Variants in RTN4RL1 observed in about 807,000 individuals in gnomAD.
RTN4RL1 encodes reticulon 4 receptor like 1.
RTN4RL1 carries 7 observed loss-of-function variants against 25.6 expected under a neutral mutation model. The observed-to-expected ratio is 0.27, with a 90% CI of 0.16 to 0.51. The LOEUF (loss-of-function observed/expected upper bound fraction) is 0.51, where lower values mean the gene tolerates loss of function less well. RTN4RL1 is among the 20% of genes least tolerant of loss of function. The pLI is 0.97. For missense variants in RTN4RL1, 500 were observed against 615.6 expected, an observed-to-expected ratio of 0.81 and a Z score of 1.99; for synonymous variants, 297 against 288.2, an observed-to-expected ratio of 1.03 and a Z score of -0.31.
At chr17:1,943,911 G>A (rs959610394) in intron 1 of RTN4RL1, among the ~76,000 whole-genome samples, 7 of 150,414 alleles carry the variant, frequency 4.7e-5, no homozygotes. Flanking sequence ...TTTGGAGCCA[G>A]AGAGACCTGA....
At chr17:2,009,368 G>A (rs1424705695) in intron 1 of RTN4RL1, among the ~76,000 whole-genome samples, 1 of 151,988 alleles carries the variant, frequency 6.6e-6, no homozygotes, top group East Asian at 1.9e-4. Flanking sequence ...CCTGAGGTGG[G>A]CAGATCATGA....
chr17:1,998,305 C>G lies in RTN4RL1; in HGVS notation c.13+26548G>C, dbSNP rs1165311328. On this transcript the variant is annotated intron_variant, in intron 1 of 1. Transcript: ENST00000331238. This position sits in a 1 kb window ranked among gnomAD's most constrained non-coding sequence, Gnocchi z 4.9. ...AGGCCTCCCGCAGGCCGACCCGAGC[C>G]GAGCGCGCCCTTTGGGCACCGGCCC... Among the ~76,000 whole-genome samples the G allele has an allele frequency of 6.6e-6, 1 of 152,190 alleles. No homozygotes were observed. Among genetic ancestry groups the G allele is most frequent in the African/African-American group, 2.4e-5 (1 of 41,460 alleles).
chr17:1,953,271 T>C (rs2151307851), intron 1 of RTN4RL1, among the ~76,000 whole-genome samples: 1 of 151,746 alleles, frequency 6.6e-6, no homozygotes, highest in Non-Finnish European at 1.5e-5. Flanking sequence ...CTGGGCACAG[T>C]GGCATGCACC....
At chr17:1,972,658 C>G (rs1388675064) in intron 1 of RTN4RL1, among the ~76,000 whole-genome samples, 1 of 152,206 alleles carries the variant, frequency 6.6e-6, no homozygotes, top group Non-Finnish European at 1.5e-5. Context: ...CCACGTGGAG[C>G]TCTCATCATT....
At chr17:1,984,718 G>A (rs1372202744) in intron 1 of RTN4RL1, among the ~76,000 whole-genome samples, 2 of 152,364 alleles carry the variant, frequency 1.3e-5, no homozygotes, top group African/African-American at 2.4e-5. Context: ...TGTAATCCCA[G>A]CACTTCGGGA....
intron 1 of RTN4RL1, among the ~76,000 whole-genome samples, chr17:1,982,848 C>A (rs987032287): frequency 6.6e-6 from 1 of 152,110 alleles, no homozygotes; most frequent in Non-Finnish European, 1.5e-5. Flanking sequence ...GGAGGTAAAG[C>A]GAACCTCAGG....
intron 1 of RTN4RL1, among the ~76,000 whole-genome samples, chr17:1,946,433 G>A (rs1446837469): frequency 6.6e-6 from 1 of 152,246 alleles, no homozygotes; most frequent in African/African-American, 2.4e-5. Flanking sequence ...GTGTGTCATG[G>A]GCATGTGTAC....
intron 1 of RTN4RL1, 57 bp downstream of exon 1, chr17:2,024,796 T>C: frequency 1.3e-6 from 2 of 1,528,960 alleles, no homozygotes; most frequent in Non-Finnish European, 1.8e-6. Flanking sequence ...GCGCCCGGGC[T>C]CGCGGCTCTT....
intron 1 of RTN4RL1, among the ~76,000 whole-genome samples, chr17:1,973,245 A>G (rs1009160240): frequency 3.3e-5 from 5 of 151,936 alleles, no homozygotes; most frequent in Non-Finnish European, 7.4e-5. Context: ...AACGCTTATA[A>G]TCCCAGCTTC....
intron 1 of RTN4RL1, 131 bp from the exon 2 acceptor site, chr17:1,937,939 GCAAGGCCAGGGT>G (rs1915347279): frequency 1.1e-5 from 9 of 788,246 alleles, no homozygotes; most frequent in Non-Finnish European, 1.8e-5. Context: ...CCTGGCTGGA[GCAAGGCCAGGGT>G]CAAGGCCCAA....
chr17:1,996,385 C>T (rs1322029388), intron 1 of RTN4RL1, among the ~76,000 whole-genome samples: 1 of 148,652 alleles, frequency 6.7e-6, no homozygotes, highest in Non-Finnish European at 1.5e-5. Context: ...CTCTCCCCAC[C>T]TCCCCTCCCC....
chr17:1,942,403 G>A (rs1007130910), intron 1 of RTN4RL1, among the ~76,000 whole-genome samples: 1 of 152,056 alleles, frequency 6.6e-6, no homozygotes, highest in Admixed American at 6.5e-5. Context: ...ACTAGCAGAT[G>A]GGGGGGCTCA....
At chr17:2,011,921 C>T (rs1354862579) in intron 1 of RTN4RL1, among the ~76,000 whole-genome samples, 1 of 152,156 alleles carries the variant, frequency 6.6e-6, no homozygotes, top group Non-Finnish European at 1.5e-5. Flanking sequence ...GGCCCCTCCT[C>T]GCTTGGGGAG....
chr17:1,954,598 G>A (rs1411045514), intron 1 of RTN4RL1, among the ~76,000 whole-genome samples: 3 of 152,024 alleles, frequency 2.0e-5, no homozygotes, highest in African/African-American at 7.2e-5. Context: ...ATGTTGGCCA[G>A]GCTGGTCTCG....
chr17:2,025,172 A>G lies in RTN4RL1; in HGVS notation c.-307T>C, dbSNP rs1209009439. 2 of 267,314 alleles carry G rather than the reference A, an allele frequency of 7.5e-6. No individual in the cohort carries two copies. Among genetic ancestry groups the G allele is most frequent in the East Asian group, 1.3e-4 (2 of 15,642 alleles). 16.6% of individuals were successfully genotyped at this position (267,314 alleles called of 1,614,324 possible). A position where few individuals can be genotyped will look rare whatever the true frequency, so the allele number is the denominator to read the frequency against. The stretch of plus-strand genomic sequence containing the variant: ...GCTTCTGCCACCCGGAGCACTTCGC[A>G]GGCGGTTTTGAGGGGGGACGCCGCC... On this transcript the variant is annotated 5_prime_UTR_variant, in exon 1 of 2. Transcript: ENST00000331238. The surrounding 1 kb of genome is among the most constrained non-coding windows in gnomAD (Gnocchi z 4.8).
chr17:1,978,390 C>T (rs2066852509), intron 1 of RTN4RL1, among the ~76,000 whole-genome samples: 1 of 152,266 alleles, frequency 6.6e-6, no homozygotes, highest in Non-Finnish European at 1.5e-5. Flanking sequence ...CATACACCTT[C>T]TCCTGTCCCC....
chr17:1,956,324 C>T (rs1175254165), intron 1 of RTN4RL1, among the ~76,000 whole-genome samples: 3 of 152,044 alleles, frequency 2.0e-5, no homozygotes, highest in Non-Finnish European at 4.4e-5. Flanking sequence ...GCTATGAGAA[C>T]TGCGGGGTTT....
intron 1 of RTN4RL1, among the ~76,000 whole-genome samples, chr17:2,024,175 C>T (rs1465230583): frequency 6.6e-6 from 1 of 152,204 alleles, no homozygotes; most frequent in Admixed American, 6.5e-5. Flanking sequence ...ACGGTGGTCG[C>T]GAAGCCAGCT....
Position 1,936,822 on chromosome 17 carries a change from C to A in RTN4RL1, c.1000G>T (p.Gly334Cys). The change falls in exon 2 of 2, where the codon GGC (glycine) becomes TGC (cysteine). Residue 334 changes from glycine to cysteine, a missense_variant. Gly to Cys is a radical substitution (Grantham distance 159, BLOSUM62 -3). Coordinates refer to ENST00000331238, the MANE Select transcript of RTN4RL1 (RefSeq NM_178568.4). The part of the protein sequence containing the change: ...AARKEHHSPH[G>C]PTRSKGHPHG... ...GGGTGGCCCTTGCTCCTGGTGGGGC[C>A]GTGGGGTGAGTGGTGTTCCTTGCGG... 6.3e-7 allele frequency: 1 copy of A among 1,583,900 alleles called. No homozygotes were observed.
Sources: allele counts gnomAD v4.1 joint callset (sites outside exome capture counted in the v4.1 genomes callset), GRCh38; gene constraint gnomAD v4.1.1; non-coding constraint Gnocchi (gnomAD v3.1); transcripts MANE v1.5; gene names NCBI Gene and HGNC (gene_info 2026-07-23, HGNC 2026-07-21).